The following ACACB variants were observed in gnomAD, a reference collection of about 807,000 sequenced individuals.
ACACB encodes acetyl-CoA carboxylase 2.
A neutral mutation model predicts 278.8 loss-of-function variants in ACACB; 209 were observed. That is an observed-to-expected ratio of 0.75 (90% CI 0.67 to 0.84). The LOEUF (loss-of-function observed/expected upper bound fraction) is 0.84. Ranked by LOEUF, ACACB falls within the 40% of genes least tolerant of loss-of-function variation. The pLI is 0.00. For missense variants in ACACB, 2,850 were observed against 3,269.0 expected, an observed-to-expected ratio of 0.87 and a Z score of 3.13; for synonymous variants, 1,174 against 1,285.6, an observed-to-expected ratio of 0.91 and a Z score of 1.86.
chr12:109,168,315 G>A (rs1162531798), intron 4 of ACACB, among the ~76,000 whole-genome samples: 5 of 152,188 alleles, frequency 3.3e-5, no homozygotes, highest in Non-Finnish European at 7.3e-5. Context: ...TTCTCCTGCA[G>A]GTGTATGTAA....
In ACACB at chr12:109,250,059, T is replaced by C. The variant is rs572506045; in HGVS notation, c.5745T>C (p.Ala1915=). 132 of 1,613,454 alleles carry C rather than the reference T, an allele frequency of 8.2e-5. 1 individual carries two copies. The South Asian group carries it at 1.4e-3, about 17-fold the overall frequency. The change falls in exon 41 of 53, where the codon GCT becomes GCC. Residue 1915 remains alanine (A), a synonymous_variant. Coordinates refer to ENST00000338432, the MANE Select transcript of ACACB (RefSeq NM_001093.4). ...VENLRGSGMI[A]GESSLAYEEI... ...ATCTGAGGGGCTCAGGCATGATTGC[T>C]GGGGAGTCCTCTCTGGCTTACGAAG... is the stretch of plus-strand genomic sequence containing the variant.
intron 20 of ACACB, 123 bp from the exon 21 acceptor site, chr12:109,209,041 TG>T: frequency 9.0e-7 from 1 of 1,112,652 alleles, no homozygotes; most frequent in Non-Finnish European, 1.3e-6. Flanking sequence ...CTGCTGGGTC[TG>T]GATCTTCAGC....
intron 19 of ACACB, among the ~76,000 whole-genome samples, chr12:109,205,876 T>C (rs1305280528): frequency 6.6e-6 from 1 of 152,182 alleles, no homozygotes; most frequent in Non-Finnish European, 1.5e-5. Context: ...ACCCCAGCAC[T>C]GTGCGTCATG....
At chr12:109,252,195 G>A in intron 42 of ACACB, 39 bp downstream of exon 42, 1 of 1,417,982 alleles carries the variant, frequency 7.1e-7, no homozygotes, top group Non-Finnish European at 9.6e-7. Context: ...GATCCTTGGG[G>A]GCCAGGAGTC....
intron 2 of ACACB, among the ~76,000 whole-genome samples, chr12:109,159,595 C>T (rs575494330): frequency 3.0e-4 from 45 of 152,186 alleles, no homozygotes; most frequent in African/African-American, 1.1e-3. Flanking sequence ...GGAGGATGGC[C>T]GCAGTCTACC....
At chr12:109,117,947 A>C (rs2042447375) in intron 1 of ACACB, among the ~76,000 whole-genome samples, 1 of 152,038 alleles carries the variant, frequency 6.6e-6, no homozygotes, top group South Asian at 2.1e-4. Flanking sequence ...ACAGGGTTTC[A>C]CTGTGTTAGC....
chr12:109,239,166 G>A (rs1023832270), intron 34 of ACACB, among the ~76,000 whole-genome samples: 7 of 152,042 alleles, frequency 4.6e-5, no homozygotes, highest in Admixed American at 3.9e-4. Context: ...CACCCATCTC[G>A]GCCTCCCAAA....
At chr12:109,135,972 G>A (rs1031435007) in intron 1 of ACACB, among the ~76,000 whole-genome samples, 1 of 151,858 alleles carries the variant, frequency 6.6e-6, no homozygotes, top group Admixed American at 6.6e-5. Context: ...ACCATGCCTG[G>A]CTAAATTTTT....
upstream of ACACB, among the ~76,000 whole-genome samples, chr12:109,115,179 A>T (rs1196852989): frequency 6.6e-6 from 1 of 152,166 alleles, no homozygotes; most frequent in Non-Finnish European, 1.5e-5. Context: ...ACTCAATATA[A>T]ATCATTTCAT....
chr12:109,186,987 G>A (rs964349569), intron 12 of ACACB, among the ~76,000 whole-genome samples: 3 of 152,068 alleles, frequency 2.0e-5, no homozygotes, highest in Non-Finnish European at 4.4e-5. Flanking sequence ...ATTGTACTTA[G>A]AGGGAGACGG....
chr12:109,253,193 G>A lies in ACACB; in HGVS notation c.6045+35G>A, dbSNP rs115820121. On this transcript the variant is annotated intron_variant, in intron 43 of 52. Coordinates refer to ENST00000338432, the MANE Select transcript of ACACB (RefSeq NM_001093.4). ...TCCCCCTGCAGCTTAGAACCTGGAA[G>A]ACTCTTATTAAGCTCATTGGCTAAT... 2.1e-3 allele frequency: 3,123 copies of A among 1,513,284 alleles called. 57 individuals are homozygous for A. The African/African-American group carries it at 0.037, about 18-fold the overall frequency. The allele number at this position is 1,513,284 out of a possible 1,614,324, so 93.7% of individuals were successfully genotyped here. A position where few individuals can be genotyped will look rare whatever the true frequency, so the allele number is the denominator to read the frequency against.
chr12:109,183,251 T>C (rs1399066713), intron 11 of ACACB, among the ~76,000 whole-genome samples: 1 of 152,152 alleles, frequency 6.6e-6, no homozygotes, highest in Non-Finnish European at 1.5e-5. Context: ...TTCAGGATGG[T>C]ATTGGCTATT....
At chr12:109,240,483 C>G (rs2046763152) in intron 35 of ACACB, among the ~76,000 whole-genome samples, 1 of 150,314 alleles carries the variant, frequency 6.7e-6, no homozygotes, top group African/African-American at 2.5e-5. Flanking sequence ...ATGGAGAGAC[C>G]CTATCTCTAC....
At chr12:109,143,401 T>C (rs2043165888) in intron 2 of ACACB, among the ~76,000 whole-genome samples, 1 of 145,432 alleles carries the variant, frequency 6.9e-6, no homozygotes, top group African/African-American at 2.6e-5. Flanking sequence ...AGGCAGAGGT[T>C]GCAGTGAGCT....
intron 37 of ACACB, 57 bp from the exon 38 acceptor site, chr12:109,245,569 G>A: frequency 3.2e-6 from 5 of 1,575,654 alleles, no homozygotes; most frequent in Non-Finnish European, 4.3e-6. Context: ...GTCTGGGAAA[G>A]ATAGTTCTTC....
chr12:109,191,790 C>G, intron 14 of ACACB, 27 bp downstream of exon 14: 1 of 1,614,096 alleles, frequency 6.2e-7, no homozygotes, highest in Non-Finnish European at 8.5e-7. Flanking sequence ...CTGTGTCTCC[C>G]CTCTGGATGG....
intron 50 of ACACB, 151 bp from the exon 51 acceptor site, chr12:109,264,959 C>T (rs938692711): frequency 2.3e-6 from 2 of 867,242 alleles, no homozygotes; most frequent in Non-Finnish European, 3.6e-6. Context: ...GCCTTCTCCT[C>T]CCTGAGCCTC....
chr12:109,227,497 G>A lies in ACACB; in HGVS notation c.4001+8G>A. ...GTCCTCCCACCCAAACCGGTATGGA[G>A]TGGGACACACCCAGGGACGGCCTGT... On this transcript the variant is annotated splice_region_variant and intron_variant, in intron 28 of 52. Transcript: ENST00000338432. 3 of 1,612,352 alleles carry A rather than the reference G, an allele frequency of 1.9e-6. No homozygotes were observed. The highest frequency in any genetic ancestry group is 1.3e-5 in the African/African-American group (1 of 75,012).
rs1185309598 is a variant in ACACB at position 109,193,694 on chromosome 12, G to T, written c.2446G>T (p.Glu816Ter). The T allele has an allele frequency of 6.2e-7, 1 of 1,613,932 alleles. No individual in the cohort carries two copies. The highest frequency in any genetic ancestry group is 8.5e-7 in the Non-Finnish European group (1 of 1,179,838). ...TTCACTACTGAACCTCGTAGATGTGGAATTAATTTACGGAGGTGTTAAGTA... is the reference window on the plus strand; with the variant it reads ...TTCACTACTGAACCTCGTAGATGTGTAATTAATTTACGGAGGTGTTAAGTA... ...ADSLLNLVDV[E>*]LIYGGVKYIL... is the part of the protein sequence containing the mutation. The change falls in exon 16 of 53, where the codon GAA becomes TAA. Residue 816 changes from glutamate to a stop codon, truncating the protein, a stop_gained. Transcript: ENST00000338432. LOFTEE classifies it high-confidence loss of function.
Sources: gnomAD v4.1 joint callset for allele counts (sites outside exome capture counted in the v4.1 genomes callset) on GRCh38, gnomAD v4.1.1 for gene constraint, MANE v1.5 for transcripts, NCBI Gene and HGNC (gene_info 2026-07-23, HGNC 2026-07-21) for gene names.